APBA1: variants seen among roughly 807,000 people sequenced by gnomAD.
The protein encoded by APBA1 is amyloid-beta A4 precursor protein-binding family A member 1.
In APBA1, 55 loss-of-function variants were observed where a neutral mutation model predicts 86.6. That is an observed-to-expected ratio of 0.64 (90% CI 0.51 to 0.80). The LOEUF (loss-of-function observed/expected upper bound fraction) is 0.80. Among genes scored for constraint, APBA1 ranks in the 30% least tolerant of loss-of-function variants. The pLI is 0.00. For synonymous variants in APBA1, 511 were observed against 493.9 expected, an observed-to-expected ratio of 1.03 and a Z score of -0.46; for missense variants, 1,090 against 1,183.0, an observed-to-expected ratio of 0.92 and a Z score of 1.15.
chr9:69,442,069 A>AC (rs1834833791), intron 10 of APBA1, among the ~76,000 whole-genome samples: 1 of 152,140 alleles, frequency 6.6e-6, no homozygotes. Context: ...TGCAGGCCTG[A>AC]CCACTGACTT....
chr9:69,637,413 G>A (rs1823202756), intron 1 of APBA1, among the ~76,000 whole-genome samples: 1 of 152,184 alleles, frequency 6.6e-6, no homozygotes, highest in African/African-American at 2.4e-5. Context: ...TGCCTGAGGT[G>A]ATGGATAGCC....
intron 1 of APBA1, among the ~76,000 whole-genome samples, chr9:69,545,750 G>C (rs778928252): frequency 4.5e-4 from 69 of 152,306 alleles, no homozygotes; most frequent in Non-Finnish European, 4.9e-4. Flanking sequence ...ACGCATTCAT[G>C]ATGATGATTT....
chr9:69,521,991 C>T (rs1275773364), intron 1 of APBA1, among the ~76,000 whole-genome samples: 1 of 151,422 alleles, frequency 6.6e-6, no homozygotes, highest in African/African-American at 2.4e-5. Flanking sequence ...ACTAAGCCTC[C>T]CTTTGTGCCC....
chr9:69,584,312 A>G (rs146592261), intron 1 of APBA1, among the ~76,000 whole-genome samples: 150 of 152,284 alleles, frequency 9.9e-4, no homozygotes, highest in African/African-American at 3.4e-3. Flanking sequence ...AAAAAGGTTA[A>G]CATTTGTTCA....
At chr9:69,436,280 A>G (rs1834718072) in intron 11 of APBA1, among the ~76,000 whole-genome samples, 2 of 150,010 alleles carry the variant, frequency 1.3e-5, no homozygotes, top group Non-Finnish European at 3.0e-5. Flanking sequence ...TTGGTTCCAT[A>G]TGAATTTTAA....
intron 10 of APBA1, among the ~76,000 whole-genome samples, chr9:69,445,657 C>G (rs533991138): frequency 1.1e-4 from 16 of 152,156 alleles, no homozygotes; most frequent in Middle Eastern, 6.8e-3. Flanking sequence ...AAAGAGGCAG[C>G]CTGTAAAATG....
At chr9:69,550,809 A>AAGTT (rs979027589) in intron 1 of APBA1, among the ~76,000 whole-genome samples, 7 of 152,274 alleles carry the variant, frequency 4.6e-5, no homozygotes, top group African/African-American at 1.7e-4. Context: ...AGTGAACAGC[A>AAGTT]AGTTCTAAAG....
intron 1 of APBA1, among the ~76,000 whole-genome samples, chr9:69,637,685 T>G (rs1038723627): frequency 3.9e-5 from 6 of 152,240 alleles, no homozygotes; most frequent in African/African-American, 1.4e-4. Flanking sequence ...AGAGAAGATG[T>G]ACTTGTCTTG....
At chr9:69,515,182 A>G (rs1472626590) in intron 2 of APBA1, among the ~76,000 whole-genome samples, 1 of 152,218 alleles carries the variant, frequency 6.6e-6, no homozygotes, top group Non-Finnish European at 1.5e-5. Flanking sequence ...CAGAGCAGGG[A>G]TAGGGATGCT....
chr9:69,519,111 G>A (rs558227541), intron 1 of APBA1, among the ~76,000 whole-genome samples: 4 of 152,290 alleles, frequency 2.6e-5, no homozygotes, highest in East Asian at 1.9e-4. Flanking sequence ...TGAGAACAGC[G>A]ACTGTGGACT....
At chr9:69,630,559 T>C (rs1823021894) in intron 1 of APBA1, among the ~76,000 whole-genome samples, 1 of 152,142 alleles carries the variant, frequency 6.6e-6, no homozygotes, top group Non-Finnish European at 1.5e-5. Flanking sequence ...TACCCTGAAG[T>C]TTACTCCAAT....
rs1450023825 is a variant in APBA1 at position 69,431,369 on chromosome 9, C to T, written c.2472G>A (p.Met824Ile). Residue 824 changes from methionine to isoleucine, a missense_variant, in exon 13 of 13, where the codon ATG becomes ATA. Around this residue, in one of 6 missense-constraint regions of APBA1, gnomAD observed 17 missense variants for 30.3 expected, o/e 0.56. Coordinates refer to ENST00000265381, the MANE Select transcript of APBA1 (RefSeq NM_001163.4). ...EIHMKTMPAAMYRLLTAQEQP... is the reference protein window; with the variant it reads ...EIHMKTMPAAIYRLLTAQEQP... The stretch of plus-strand genomic sequence containing the variant: ...GCTCCTGGGCCGTCAGCAGCCTGTA[C>T]ATCGCGGCTGGCATTGTCTTCATAT... The T allele has an allele frequency of 1.9e-6, 3 of 1,613,306 alleles. No homozygotes were observed. Among genetic ancestry groups the T allele is most frequent in the Admixed American group, 1.7e-5 (1 of 59,908 alleles).
At chr9:69,459,591 TA>T (rs1310735654) in intron 5 of APBA1, among the ~76,000 whole-genome samples, 42 of 152,344 alleles carry the variant, frequency 2.8e-4, no homozygotes, top group African/African-American at 9.9e-4. Context: ...TACACCTAAC[TA>T]AAAATGGATG....
intron 1 of APBA1, among the ~76,000 whole-genome samples, chr9:69,664,390 G>A (rs959757873): frequency 6.6e-6 from 1 of 152,154 alleles, no homozygotes; most frequent in Non-Finnish European, 1.5e-5. Context: ...TACATTAAGT[G>A]AATGAGCACA....
chr9:69,498,185 T>C (rs1196451142), intron 2 of APBA1, among the ~76,000 whole-genome samples: 1 of 152,096 alleles, frequency 6.6e-6, no homozygotes, highest in African/African-American at 2.4e-5. Context: ...GCTACCAGAC[T>C]CCATGACCTT....
chr9:69,448,142 G>T (rs146054175), intron 10 of APBA1, among the ~76,000 whole-genome samples: 1 of 152,010 alleles, frequency 6.6e-6, no homozygotes, highest in Non-Finnish European at 1.5e-5. Context: ...ACTTCCAAAC[G>T]CCACTTCCCT....
chr9:69,666,781 G>C (rs772432028), intron 1 of APBA1, among the ~76,000 whole-genome samples: 2 of 152,034 alleles, frequency 1.3e-5, no homozygotes, highest in African/African-American at 2.4e-5. Flanking sequence ...GTATATATCA[G>C]GTATGAATAA....
intron 2 of APBA1, among the ~76,000 whole-genome samples, chr9:69,482,976 G>C (rs891798241): frequency 1.2e-4 from 13 of 112,708 alleles, no homozygotes; most frequent in Non-Finnish European, 2.0e-4. Flanking sequence ...TTGTGGGGTG[G>C]GGGGAGGGGG....
intron 1 of APBA1, among the ~76,000 whole-genome samples, chr9:69,570,866 C>G (rs1837104851): frequency 6.6e-6 from 1 of 152,176 alleles, no homozygotes; most frequent in Non-Finnish European, 1.5e-5. Flanking sequence ...CTTCCATTTT[C>G]CCTCTTGGTT....
Sources: allele counts gnomAD v4.1 joint callset (sites outside exome capture counted in the v4.1 genomes callset), GRCh38; gene constraint gnomAD v4.1.1; regional missense constraint gnomAD v4.1.1; transcripts MANE v1.5; gene names NCBI Gene and HGNC (gene_info 2026-07-23, HGNC 2026-07-21).